ZSWIM7: variants seen among roughly 807,000 people sequenced by gnomAD.
ZSWIM7 encodes zinc finger SWIM domain-containing protein 7.
ZSWIM7 carries 22 observed loss-of-function variants against 21.1 expected under a neutral mutation model. The observed-to-expected ratio is 1.04, with a 90% CI of 0.74 to 1.49. The LOEUF is 1.49. ZSWIM7 is among the 40% of genes most tolerant of loss of function. ZSWIM7 has a pLI of 0.00. For synonymous variants in ZSWIM7, 67 were observed against 66.5 expected (o/e 1.01, Z -0.04); for missense variants, 193 against 168.0 (o/e 1.15, Z -0.82).
chr17:15,999,553 G>A lies in ZSWIM7; in HGVS notation c.42C>T (p.Ser14=). The A allele has an allele frequency of 1.9e-6, 3 of 1,594,732 alleles. No homozygotes were observed. The highest frequency in any genetic ancestry group is 1.7e-6 in the Non-Finnish European group (2 of 1,171,684). The stretch of plus-strand genomic sequence containing the variant: ...TCTCCTGCACCGCCGCCGCCATCTC[G>A]CTCAGGAGCTCCTCCACAACCGCCG... ...VLPAVVEELL[S]EMAAAVQESA... is the part of the protein sequence containing the mutation. Residue 14 remains serine (S), a synonymous_variant, in exon 1 of 5, where the codon AGC becomes AGT. Transcript: ENST00000399277.
At chr17:15,991,300 AC>A (rs1323883904) in intron 2 of ZSWIM7, among the ~76,000 whole-genome samples, 44 of 152,134 alleles carry the variant, frequency 2.9e-4, no homozygotes, top group Non-Finnish European at 2.1e-4. Flanking sequence ...GCTACCATAA[AC>A]AATACTGGAT....
Position 15,981,256 on chromosome 17 carries a change from C to T in ZSWIM7, c.202-112G>A, listed in dbSNP as rs1597437280. The stretch of plus-strand genomic sequence containing the variant: ...GCTCTGCAAATTGCACCGAGAAGAA[C>T]TGCAGTAATGTTTTACATAAAAGAG... On this transcript the variant is annotated intron_variant, in intron 3 of 4. Transcript: ENST00000399277. 15 of 674,904 alleles carry T rather than the reference C, an allele frequency of 2.2e-5. No homozygotes were observed. The East Asian group carries it at 4.2e-4, about 19-fold the overall frequency. 41.8% of individuals were successfully genotyped at this position (674,904 alleles called of 1,614,324 possible). A position where few individuals can be genotyped will look rare whatever the true frequency, so the allele number is the denominator to read the frequency against.
Position 15,978,093 on chromosome 17 carries a change from T to C in ZSWIM7, c.377A>G (p.Lys126Arg). 6.2e-7 allele frequency: 1 copy of C among 1,614,204 alleles called. No individual in the cohort carries two copies. The highest frequency in any genetic ancestry group is 2.2e-5 in the East Asian group (1 of 44,880). The change falls in exon 5 of 5, where the codon AAG becomes AGG. Residue 126 changes from lysine (K) to arginine (R), a missense_variant. Transcript: ENST00000399277. ...CATCAATAATATGTCAGTCAACTGC[T>C]TGTCAGAGACACTTAGCTGCTGACA... Reference protein sequence around the residue: ...RTCQQLSVSDKQLTDILLMEK... With the variant: ...RTCQQLSVSDRQLTDILLMEK...
At chr17:15,980,047 C>T (rs1278833353) in intron 4 of ZSWIM7, among the ~76,000 whole-genome samples, 6 of 147,804 alleles carry the variant, frequency 4.1e-5, no homozygotes, top group African/African-American at 1.5e-4. Flanking sequence ...GACCCCCCCA[C>T]CTCCCTCCCG....
chr17:15,994,805 A>G (rs903744792), intron 1 of ZSWIM7, among the ~76,000 whole-genome samples: 6 of 152,192 alleles, frequency 3.9e-5, no homozygotes, highest in African/African-American at 1.4e-4. Flanking sequence ...AGAAGTGGGA[A>G]TGACACTGAA....
chr17:15,985,959 C>T lies in ZSWIM7; in HGVS notation c.201+1307G>A, dbSNP rs557087867. On this transcript the variant is annotated intron_variant, in intron 3 of 4. Coordinates refer to ENST00000399277, the MANE Select transcript of ZSWIM7 (RefSeq NM_001042697.2). ...TGCAAGTTCAGTGACTTTGATTATTCCTAAGTTCTCCATGAGAAAATTCAT... is the reference window on the plus strand; with the variant it reads ...TGCAAGTTCAGTGACTTTGATTATTTCTAAGTTCTCCATGAGAAAATTCAT... Among the ~76,000 whole-genome samples the T allele has an allele frequency of 3.0e-4, 46 of 152,302 alleles. No homozygotes were observed. The South Asian group carries it at 9.5e-3, about 32-fold the overall frequency.
chr17:15,978,288 C>CT, intron 4 of ZSWIM7, 125 bp from the exon 5 acceptor site: 1 of 706,388 alleles, frequency 1.4e-6, no homozygotes, highest in Non-Finnish European at 2.5e-6. Context: ...TACGGGGTCT[C>CT]TAACTGATTG....
In ZSWIM7 at chr17:15,999,541, C is replaced by G. The variant is rs1970641799; in HGVS notation, c.54G>C (p.Ala18=). ...TACTTCGCGCGCTCTCCTGCACCGC[C>G]GCCGCCATCTCGCTCAGGAGCTCCT... ...VVEELLSEMA[A]AVQESARIPD... is the part of the protein sequence containing the mutation. Residue 18 remains alanine, a synonymous_variant, in exon 1 of 5, where the codon GCG becomes GCC. Transcript: ENST00000399277. 1.9e-6 allele frequency: 3 copies of G among 1,600,230 alleles called. No homozygotes were observed. The African/African-American group carries it at 4.0e-5, about 21-fold the overall frequency.
intron 2 of ZSWIM7, among the ~76,000 whole-genome samples, chr17:15,993,080 G>A (rs1567571839): frequency 6.6e-6 from 1 of 151,944 alleles, no homozygotes; most frequent in Non-Finnish European, 1.5e-5. Flanking sequence ...GTTTCACCAT[G>A]TTGGTCAGGC....
chr17:15,992,159 T>A (rs1312383342), intron 2 of ZSWIM7, among the ~76,000 whole-genome samples: 1 of 152,124 alleles, frequency 6.6e-6, no homozygotes, highest in African/African-American at 2.4e-5. Flanking sequence ...ACTCCTGACC[T>A]CAGGTGATCC....
chr17:15,988,960 C>T (rs896820410), intron 2 of ZSWIM7, among the ~76,000 whole-genome samples: 6 of 152,072 alleles, frequency 3.9e-5, no homozygotes, highest in Non-Finnish European at 8.8e-5. Flanking sequence ...GTGGAGGTTG[C>T]GGTGAGCCAA....
intron 2 of ZSWIM7, among the ~76,000 whole-genome samples, chr17:15,989,321 ATT>A (rs1041607610): frequency 6.8e-6 from 1 of 145,998 alleles, no homozygotes; most frequent in Non-Finnish European, 1.5e-5. Flanking sequence ...TAAAAGTTTA[ATT>A]TTTTTTTTTT....
At chr17:15,998,660 AC>A (rs1338781905) in intron 1 of ZSWIM7, among the ~76,000 whole-genome samples, 2 of 151,860 alleles carry the variant, frequency 1.3e-5, no homozygotes, top group African/African-American at 4.8e-5. Flanking sequence ...GCCAAAGAGT[AC>A]CCTCTGCTGG....
chr17:15,988,210 TAAAAG>T (rs926669666), intron 2 of ZSWIM7, among the ~76,000 whole-genome samples: 6 of 152,258 alleles, frequency 3.9e-5, no homozygotes, highest in African/African-American at 1.4e-4. Context: ...TCATGAAAAA[TAAAAG>T]AAAATATAAA....
chr17:15,990,423 G>A (rs1970468251), intron 2 of ZSWIM7, among the ~76,000 whole-genome samples: 1 of 151,824 alleles, frequency 6.6e-6, no homozygotes, highest in African/African-American at 2.4e-5. Context: ...TCTGCTCACT[G>A]CAACCTCCAC....
chr17:15,999,563 T>G lies in ZSWIM7; in HGVS notation c.32A>C (p.Glu11Ala), dbSNP rs771804863. MAVVLPAVVE[E>A]LLSEMAAAVQ... ...CGCCGCCGCCATCTCGCTCAGGAGCTCCTCCACAACCGCCGGCAACACTAC... is the reference window on the plus strand; with the variant it reads ...CGCCGCCGCCATCTCGCTCAGGAGCGCCTCCACAACCGCCGGCAACACTAC... The change falls in exon 1 of 5, where the codon GAG (glutamate) becomes GCG (alanine). Residue 11 changes from glutamate to alanine, a missense_variant. Glu to Ala is a moderately radical substitution (Grantham distance 107). Transcript: ENST00000399277. The G allele has an allele frequency of 6.3e-7, 1 of 1,590,220 alleles. No homozygotes were observed. The highest frequency in any genetic ancestry group is 1.3e-5 in the African/African-American group (1 of 74,592).
chr17:15,980,919 A>C, intron 4 of ZSWIM7, 121 bp downstream of exon 4: 1 of 678,318 alleles, frequency 1.5e-6, no homozygotes, highest in Non-Finnish European at 2.3e-6. Flanking sequence ...ACAAAGACAA[A>C]AAACTACCAT....
At chr17:15,993,318 G>A (rs1970507965) in intron 2 of ZSWIM7, among the ~76,000 whole-genome samples, 1 of 151,692 alleles carries the variant, frequency 6.6e-6, no homozygotes, top group Admixed American at 6.6e-5. Context: ...GAGTCACAGT[G>A]CCTGGTAGTA....
chr17:15,994,251 C>T (rs1225556440), intron 1 of ZSWIM7, among the ~76,000 whole-genome samples: 1 of 152,152 alleles, frequency 6.6e-6, no homozygotes, highest in Non-Finnish European at 1.5e-5. Flanking sequence ...CCGTGCCCGG[C>T]CAGATTTGTT....
Sources: allele counts gnomAD v4.1 joint callset (sites outside exome capture counted in the v4.1 genomes callset), GRCh38; gene constraint gnomAD v4.1.1; transcripts MANE v1.5; gene names NCBI Gene and HGNC (gene_info 2026-07-23, HGNC 2026-07-21).